CCSER1: variants seen among roughly 807,000 people sequenced by gnomAD.
CCSER1 encodes serine-rich coiled-coil domain-containing protein 1.
CCSER1 carries 41 observed loss-of-function variants against 82.0 expected under a neutral mutation model. The ratio of observed to expected loss-of-function variants is 0.50; its 90% CI spans 0.39 to 0.65. The LOEUF is 0.65. CCSER1 is among the 30% of genes least tolerant of loss of function. CCSER1 has a pLI of 0.00. For missense variants in CCSER1, 1,119 were observed against 1,064.2 expected, an observed-to-expected ratio of 1.05 and a Z score of -0.72; for synonymous variants, 414 against 383.9, an observed-to-expected ratio of 1.08 and a Z score of -0.92.
chr4:91,038,713 G>T (rs1238626877), intron 9 of CCSER1, among the ~76,000 whole-genome samples: 2 of 152,076 alleles, frequency 1.3e-5, no homozygotes, highest in Non-Finnish European at 2.9e-5. Flanking sequence ...ATTCATTCTT[G>T]CATATTTCCC....
chr4:90,879,151 A>T (rs886809122), intron 8 of CCSER1, among the ~76,000 whole-genome samples: 3 of 152,152 alleles, frequency 2.0e-5, no homozygotes, highest in African/African-American at 7.2e-5. Flanking sequence ...GTCTTATTTC[A>T]GTTAACCAGT....
At chr4:91,175,036 T>C (rs1008461337) in intron 10 of CCSER1, among the ~76,000 whole-genome samples, 9 of 152,260 alleles carry the variant, frequency 5.9e-5, no homozygotes, top group Middle Eastern at 3.4e-3. Context: ...AGTGTTCTCA[T>C]TGGTCAATTC....
At chr4:90,211,713 GAAT>G (rs1383140576) in intron 1 of CCSER1, among the ~76,000 whole-genome samples, 1 of 152,172 alleles carries the variant, frequency 6.6e-6, no homozygotes, top group African/African-American at 2.4e-5. Flanking sequence ...AACAGTTAGT[GAAT>G]AATATTAGTT....
chr4:91,468,730 G>T (rs1306900329), intron 10 of CCSER1, among the ~76,000 whole-genome samples: 1 of 151,894 alleles, frequency 6.6e-6, no homozygotes. Flanking sequence ...TTTAAATATA[G>T]ATTTGATCCT....
At chr4:90,821,285 C>G (rs1759686741) in intron 8 of CCSER1, among the ~76,000 whole-genome samples, 1 of 152,132 alleles carries the variant, frequency 6.6e-6, no homozygotes. Flanking sequence ...TTGCTAAGAA[C>G]TACTGCGAAC....
chr4:90,955,954 G>T (rs563370995), intron 9 of CCSER1, among the ~76,000 whole-genome samples: 24 of 152,194 alleles, frequency 1.6e-4, no homozygotes, highest in African/African-American at 4.6e-4. Context: ...TTCTGCACAA[G>T]ATTTACTAAC....
chr4:91,499,176 A>G (rs1195439130), intron 10 of CCSER1, among the ~76,000 whole-genome samples: 1 of 152,054 alleles, frequency 6.6e-6, no homozygotes, highest in Non-Finnish European at 1.5e-5. Context: ...TTAATGCACT[A>G]CATTTTCATT....
At chr4:91,115,816 T>A (rs956002576) in intron 10 of CCSER1, among the ~76,000 whole-genome samples, 1 of 144,228 alleles carries the variant, frequency 6.9e-6, no homozygotes, top group African/African-American at 2.5e-5. Context: ...CTTTTTTTTT[T>A]TTTTTTTTTC....
chr4:91,336,581 T>G (rs1747342404), intron 10 of CCSER1, among the ~76,000 whole-genome samples: 1 of 152,046 alleles, frequency 6.6e-6, no homozygotes, highest in Non-Finnish European at 1.5e-5. Context: ...AACTAACTTT[T>G]CAGAACAAAA....
At chr4:90,326,615 T>C (rs1738261872) in intron 3 of CCSER1, among the ~76,000 whole-genome samples, 1 of 152,186 alleles carries the variant, frequency 6.6e-6, no homozygotes, top group Admixed American at 6.5e-5. Flanking sequence ...ATTTTCATAC[T>C]CAGCTAGTTA....
chr4:90,497,975 T>C (rs1361724230), intron 5 of CCSER1, among the ~76,000 whole-genome samples: 1 of 151,868 alleles, frequency 6.6e-6, no homozygotes, highest in African/African-American at 2.4e-5. Context: ...AGATGGAGTT[T>C]CGCTCTTTTT....
chr4:90,419,688 C>T (rs116403550), intron 4 of CCSER1, among the ~76,000 whole-genome samples: 1,937 of 151,888 alleles, frequency 0.013, 31 homozygotes, highest in African/African-American at 0.043. Flanking sequence ...TACAATGTGG[C>T]ACACCATTAC....
intron 7 of CCSER1, among the ~76,000 whole-genome samples, chr4:90,758,228 G>A (rs1227447761): frequency 1.3e-5 from 2 of 151,980 alleles, no homozygotes; most frequent in Non-Finnish European, 2.9e-5. Context: ...TGTAGTCCTT[G>A]TTTCTTACAT....
At chr4:90,551,627 CT>C (rs1777487200) in intron 5 of CCSER1, among the ~76,000 whole-genome samples, 1 of 150,222 alleles carries the variant, frequency 6.7e-6, no homozygotes, top group Admixed American at 6.7e-5. Flanking sequence ...TTTTGTGCTT[CT>C]ATTTTCATTT....
intron 5 of CCSER1, among the ~76,000 whole-genome samples, chr4:90,480,968 C>T (rs1765855445): frequency 6.6e-6 from 1 of 152,096 alleles, no homozygotes; most frequent in Admixed American, 6.5e-5. Context: ...TTAGTTTGGG[C>T]AGTATGGCCA....
At chr4:91,520,110 TA>T (rs1208152152) in intron 10 of CCSER1, among the ~76,000 whole-genome samples, 1 of 152,204 alleles carries the variant, frequency 6.6e-6, no homozygotes, top group Admixed American at 6.5e-5. Flanking sequence ...ATTACTACCT[TA>T]TTCTGTGATA....
intron 5 of CCSER1, among the ~76,000 whole-genome samples, chr4:90,516,697 C>T (rs10024428): frequency 3.0e-3 from 459 of 152,260 alleles, no homozygotes; most frequent in African/African-American, 0.01. Context: ...TTCAGTCTCC[C>T]GGGACGGAGT....
intron 5 of CCSER1, among the ~76,000 whole-genome samples, chr4:90,571,067 A>G (rs1407101151): frequency 1.3e-5 from 2 of 152,228 alleles, no homozygotes; most frequent in African/African-American, 4.8e-5. Flanking sequence ...CTATTATTAA[A>G]AAGTAAAAAA....
chr4:90,720,466 C>T (rs1742483138), intron 6 of CCSER1, among the ~76,000 whole-genome samples: 3 of 151,880 alleles, frequency 2.0e-5, no homozygotes, highest in Non-Finnish European at 2.9e-5. Context: ...AAAATTAACT[C>T]CCTAACTTAT....
Sources: gnomAD v4.1 joint callset for allele counts (sites outside exome capture counted in the v4.1 genomes callset) on GRCh38, gnomAD v4.1.1 for gene constraint, MANE v1.5 for transcripts, NCBI Gene and HGNC (gene_info 2026-07-23, HGNC 2026-07-21) for gene names.